The following GSG1L variants were observed in gnomAD, a reference collection of about 807,000 sequenced individuals.
The protein encoded by GSG1L is germ cell-specific gene 1-like protein.
In GSG1L, 24 loss-of-function variants were observed where a neutral mutation model predicts 42.1. The ratio of observed to expected loss-of-function variants is 0.57; its 90% CI spans 0.41 to 0.80. The LOEUF (loss-of-function observed/expected upper bound fraction) is 0.80. Ranked by LOEUF, GSG1L falls within the 30% of genes least tolerant of loss-of-function variation. The probability of loss-of-function intolerance (pLI) is 0.00; values close to 1 mark genes in which losing one functional copy is unlikely to be tolerated. For synonymous variants in GSG1L, 215 were observed against 203.5 expected (o/e 1.06, Z -0.48); for missense variants, 445 against 472.2 (o/e 0.94, Z 0.53).
chr16:28,036,064 A>C (rs1328516465), intron 1 of GSG1L, among the ~76,000 whole-genome samples: 2 of 152,090 alleles, frequency 1.3e-5, no homozygotes, highest in Non-Finnish European at 2.9e-5. Context: ...TTCTTCCCCC[A>C]CATCCACCCA....
intron 2 of GSG1L, among the ~76,000 whole-genome samples, chr16:27,947,593 GAAAGAA>G (rs1486986938): frequency 0.057 from 6,432 of 113,820 alleles, 272 homozygotes; most frequent in African/African-American, 0.11. Flanking sequence ...AAGAAAGAAA[GAAAGAA>G]AAAGAAAGAA....
intron 1 of GSG1L, among the ~76,000 whole-genome samples, chr16:27,970,627 C>T (rs2085184839): frequency 6.6e-6 from 1 of 151,548 alleles, no homozygotes; most frequent in African/African-American, 2.4e-5. Context: ...GTCTTGAACT[C>T]TTGGGCTCAA....
chr16:27,963,687 T>A (rs1278940770), intron 1 of GSG1L, among the ~76,000 whole-genome samples: 1 of 152,200 alleles, frequency 6.6e-6, no homozygotes, highest in African/African-American at 2.4e-5. Context: ...GAACAGGCCT[T>A]GACTGGCCTG....
At chr16:27,854,799 G>A (rs1171522123) in intron 3 of GSG1L, among the ~76,000 whole-genome samples, 2 of 152,168 alleles carry the variant, frequency 1.3e-5, no homozygotes, top group African/African-American at 2.4e-5. Flanking sequence ...AGATGAGCGT[G>A]GGCCTCTCAC....
chr16:27,987,668 G>T (rs189637403), intron 1 of GSG1L, among the ~76,000 whole-genome samples: 2,437 of 152,278 alleles, frequency 0.016, 29 homozygotes, highest in South Asian at 0.031. Flanking sequence ...ATACTTGTGG[G>T]CTGGTCGTGG....
intron 2 of GSG1L, among the ~76,000 whole-genome samples, chr16:27,933,830 G>A (rs796308162): frequency 9.9e-5 from 15 of 152,190 alleles, no homozygotes; most frequent in African/African-American, 3.4e-4. Context: ...TGAAGTCCAA[G>A]AGAGGTTCGG....
At chr16:27,821,161 T>C (rs920370911) in intron 5 of GSG1L, among the ~76,000 whole-genome samples, 10 of 152,296 alleles carry the variant, frequency 6.6e-5, no homozygotes, top group Non-Finnish European at 1.3e-4. Context: ...TGCACTTTGC[T>C]GTGGTGTGAG....
At chr16:27,892,415 C>T (rs990108000) in intron 2 of GSG1L, among the ~76,000 whole-genome samples, 3 of 151,956 alleles carry the variant, frequency 2.0e-5, no homozygotes, top group East Asian at 1.9e-4. Flanking sequence ...ACGATCCTGT[C>T]GCTGCACTCT....
chr16:28,005,672 C>T lies in GSG1L; in HGVS notation c.350-42469G>A, dbSNP rs147737995. Among the ~76,000 whole-genome samples, 12 of 152,182 alleles carry T rather than the reference C, an allele frequency of 7.9e-5. No individual in the cohort carries two copies. In the East Asian group the frequency reaches 2.3e-3, roughly 29 times the overall value. The stretch of plus-strand genomic sequence containing the variant: ...GTCACATCCCTTAACCTCTCTGTGC[C>T]TCAGTTTCCTCTGTGCCTCAGTTTC... On this transcript the variant is annotated intron_variant, in intron 1 of 6. Transcript: ENST00000447459.
At chr16:27,935,660 C>T (rs903122975) in intron 2 of GSG1L, among the ~76,000 whole-genome samples, 3 of 151,708 alleles carry the variant, frequency 2.0e-5, no homozygotes, top group African/African-American at 7.3e-5. Context: ...CATTGTCTTG[C>T]AAGTGGCTTC....
At chr16:27,979,777 A>G (rs868343062) in intron 1 of GSG1L, among the ~76,000 whole-genome samples, 17 of 126,898 alleles carry the variant, frequency 1.3e-4, no homozygotes, top group Admixed American at 5.0e-4. Flanking sequence ...AAGGAAAGAA[A>G]GAAAGAAAAA....
chr16:27,915,463 C>T (rs2084443471), intron 2 of GSG1L, among the ~76,000 whole-genome samples: 1 of 152,156 alleles, frequency 6.6e-6, no homozygotes, highest in African/African-American at 2.4e-5. Flanking sequence ...AAGCCACAGG[C>T]AAGAGAGTCA....
chr16:28,062,647 C>A (rs1296724505), intron 1 of GSG1L, among the ~76,000 whole-genome samples: 2 of 152,174 alleles, frequency 1.3e-5, no homozygotes, highest in Admixed American at 1.3e-4. Context: ...CCTGCATCAC[C>A]CCCACCCCCA....
chr16:27,948,596 ACTT>A (rs1461136351), intron 2 of GSG1L, among the ~76,000 whole-genome samples: 6 of 133,842 alleles, frequency 4.5e-5, no homozygotes, highest in Non-Finnish European at 7.9e-5. Context: ...CTGGTCTTGA[ACTT>A]CTTCTTCTTC....
At chr16:28,017,148 A>G (rs1267270393) in intron 1 of GSG1L, among the ~76,000 whole-genome samples, 2 of 152,236 alleles carry the variant, frequency 1.3e-5, no homozygotes, top group Non-Finnish European at 2.9e-5. Flanking sequence ...ACCCAAAGAT[A>G]AAGACCAGGA....
chr16:27,818,410 G>A (rs898856333), intron 5 of GSG1L, among the ~76,000 whole-genome samples: 5 of 152,124 alleles, frequency 3.3e-5, no homozygotes, highest in Admixed American at 2.0e-4. Context: ...CATGAGCCGC[G>A]TGAAGGCTCT....
intron 1 of GSG1L, among the ~76,000 whole-genome samples, chr16:27,979,811 AAGAAAAGAAAGAAAG>A (rs1474643380): frequency 2.5e-5 from 3 of 118,238 alleles, no homozygotes; most frequent in African/African-American, 1.0e-4. Flanking sequence ...GAAAGAAAGA[AAGAAAAGAAAGAAAG>A]AGAGAGAGAG....
intron 1 of GSG1L, among the ~76,000 whole-genome samples, chr16:28,038,892 C>A (rs905500421): frequency 1.3e-5 from 2 of 152,182 alleles, no homozygotes; most frequent in South Asian, 2.1e-4. Flanking sequence ...ATTGAGTTAT[C>A]GAGATTATCT....
chr16:27,824,850 G>A (rs529760310), intron 5 of GSG1L, among the ~76,000 whole-genome samples: 6 of 152,316 alleles, frequency 3.9e-5, no homozygotes, highest in South Asian at 2.1e-4. Flanking sequence ...GTGAATCTCC[G>A]TAGCAGGGGT....
Sources: gnomAD v4.1 joint callset for allele counts (sites outside exome capture counted in the v4.1 genomes callset) on GRCh38, gnomAD v4.1.1 for gene constraint, MANE v1.5 for transcripts, NCBI Gene and HGNC (gene_info 2026-07-23, HGNC 2026-07-21) for gene names.